Variants in SLC51A observed in about 807,000 individuals in gnomAD.
SLC51A encodes the protein solute carrier family 51 member A, also known as organic solute transporter subunit alpha.
SLC51A carries 22 observed loss-of-function variants against 34.8 expected under a neutral mutation model. The observed-to-expected ratio is 0.63, with a 90% CI of 0.45 to 0.90. SLC51A has a LOEUF of 0.90. SLC51A is among the 40% of genes least tolerant of loss of function. The pLI, the probability that SLC51A is intolerant of heterozygous loss-of-function variation, is 0.00. For synonymous variants in SLC51A, 181 were observed against 176.3 expected (o/e 1.03, Z -0.21); for missense variants, 371 against 414.8 (o/e 0.89, Z 0.92).
At chr3:196,229,689 TA>T (rs77390915) in intron 6 of SLC51A, among the ~76,000 whole-genome samples, 191 of 135,414 alleles carry the variant, frequency 1.4e-3, no homozygotes, top group Middle Eastern at 3.9e-3. Flanking sequence ...TCTCTATTAT[TA>T]AAAAAAAAAA....
intron 2 of SLC51A, among the ~76,000 whole-genome samples, chr3:196,220,758 G>A (rs1031896787): frequency 6.6e-6 from 1 of 152,180 alleles, no homozygotes; most frequent in African/African-American, 2.4e-5. Flanking sequence ...AGACCTAGGC[G>A]TGTAAGTGCT....
chr3:196,219,348 T>C (rs1210148161), intron 2 of SLC51A, among the ~76,000 whole-genome samples: 1 of 151,962 alleles, frequency 6.6e-6, no homozygotes, highest in African/African-American at 2.4e-5. Flanking sequence ...TTAGAGAAAA[T>C]GTGACTCACG....
chr3:196,219,836 C>G (rs1723699062), intron 2 of SLC51A, among the ~76,000 whole-genome samples: 1 of 152,232 alleles, frequency 6.6e-6, no homozygotes, highest in Non-Finnish European at 1.5e-5. Context: ...TTATTCAGGC[C>G]AAAGTGTCAA....
At chr3:196,220,544 C>T (rs556088276) in intron 2 of SLC51A, among the ~76,000 whole-genome samples, 1 of 152,152 alleles carries the variant, frequency 6.6e-6, no homozygotes, top group East Asian at 1.9e-4. Flanking sequence ...TTGCAGTGAG[C>T]CGAGATCTCA....
intron 1 of SLC51A, 29 bp from the exon 2 acceptor site, chr3:196,217,813 G>T (rs756984073): frequency 6.2e-7 from 1 of 1,605,728 alleles, no homozygotes; most frequent in South Asian, 1.1e-5. Context: ...AGCCCCCATG[G>T]TTCTGAGCAC....
intron 3 of SLC51A, 22 bp downstream of exon 3, chr3:196,227,141 T>C (rs1013300799): frequency 2.5e-6 from 4 of 1,609,068 alleles, no homozygotes; most frequent in Non-Finnish European, 3.4e-6. Flanking sequence ...GGGGCTGCCC[T>C]GTGGGGGGAA....
At chr3:196,219,139 T>A (rs780852529) in intron 2 of SLC51A, among the ~76,000 whole-genome samples, 19 of 151,216 alleles carry the variant, frequency 1.3e-4, no homozygotes, top group Non-Finnish European at 2.7e-4. Context: ...GGCAGGAGAG[T>A]TGCTTGAACT....
In SLC51A at chr3:196,227,009, C is replaced by T. The variant is rs748040828; in HGVS notation, c.178C>T (p.Leu60=). The T allele has an allele frequency of 6.2e-7, 1 of 1,614,036 alleles. No individual in the cohort carries two copies. Among genetic ancestry groups the T allele is most frequent in the Non-Finnish European group, 8.5e-7 (1 of 1,179,976 alleles). The change falls in exon 3 of 9, where the codon CTG becomes TTG. Residue 60 remains leucine (L), a synonymous_variant. Transcript: ENST00000296327. ...ELALTSILTL[L]ALGSIAIFLE... is the part of the protein sequence containing the mutation. ...TGCCCTCACTAGCATCCTGACCTTG[C>T]TGGCGCTGGGCTCCATTGCCATCTT...
chr3:196,227,659 A>G lies in SLC51A; in HGVS notation c.289-5A>G. On this transcript the variant is annotated splice_polypyrimidine_tract_variant and splice_region_variant and intron_variant, in intron 3 of 8. Coordinates refer to ENST00000296327, the MANE Select transcript of SLC51A (RefSeq NM_152672.6). Reference sequence around the variant, plus strand: ...CCCTCACCTGCTCCTGCCCCTTCTGAGCAGGTGGTGTCTGTGCTGTGCTGC... The same window carrying G: ...CCCTCACCTGCTCCTGCCCCTTCTGGGCAGGTGGTGTCTGTGCTGTGCTGC... 6.2e-7 allele frequency: 1 copy of G among 1,613,554 alleles called. No homozygotes were observed. The highest frequency in any genetic ancestry group is 8.5e-7 in the Non-Finnish European group (1 of 1,179,824).
Position 196,226,631 on chromosome 3 carries a change from G to A in SLC51A, c.134-334G>A, listed in dbSNP as rs1323645989. ...TCTACTAAAAATATAAAAATTAGCC[G>A]GGCATAGTGGTGGGTGTCTGTAATC... On this transcript the variant is annotated intron_variant, in intron 2 of 8. Coordinates refer to ENST00000296327, the MANE Select transcript of SLC51A (RefSeq NM_152672.6). 6.5e-5 allele frequency: 11 copies of A among 168,112 alleles called. 1 individual carries two copies. The highest frequency in any genetic ancestry group is 1.2e-4 in the Admixed American group (2 of 16,228). The allele number at this position is 168,112 out of a possible 1,614,324, so 10.4% of individuals were successfully genotyped here.
At chr3:196,221,157 G>A (rs1435789248) in intron 2 of SLC51A, among the ~76,000 whole-genome samples, 5 of 151,650 alleles carry the variant, frequency 3.3e-5, no homozygotes, top group African/African-American at 7.3e-5. Context: ...GGCCAGTCAC[G>A]GTGGCCCATG....
At position 196,228,878 on chromosome 3, in the gene SLC51A, G is replaced by A. The variant is rs765324135; in HGVS notation, c.591G>A (p.Val197=). The change falls in exon 6 of 9, where the codon GTG becomes GTA. Residue 197 remains valine, a synonymous_variant. Coordinates refer to ENST00000296327, the MANE Select transcript of SLC51A (RefSeq NM_152672.6). This position sits in a 1 kb window ranked among gnomAD's most constrained non-coding sequence, Gnocchi z 4.9. ...TCTTGAAGATAACGCTGACCCTGGT[G>A]GGCCTGTTTCTCGTCCCCGACGGCA... The part of the protein sequence containing the change: ...YAFLKITLTL[V]GLFLVPDGIY... 4.3e-6 allele frequency: 7 copies of A among 1,614,044 alleles called. No individual in the cohort carries two copies. The highest frequency in any genetic ancestry group is 1.6e-4 in the Middle Eastern group (1 of 6,084).
chr3:196,227,319 C>T, intron 3 of SLC51A, 200 bp downstream of exon 3: 1 of 617,134 alleles, frequency 1.6e-6, no homozygotes, highest in South Asian at 2.0e-5. Context: ...ATTCTAAGGG[C>T]TGCGGAGACA....
intron 2 of SLC51A, 79 bp from the exon 3 acceptor site, chr3:196,226,886 C>T: frequency 2.1e-6 from 3 of 1,452,874 alleles, no homozygotes; most frequent in Non-Finnish European, 2.8e-6. Context: ...TCCAGTAAGG[C>T]AATTTCGATC....
At chr3:196,232,639 G>A (rs1724052712) in intron 8 of SLC51A, 115 bp downstream of exon 8, 2 of 762,456 alleles carry the variant, frequency 2.6e-6, no homozygotes, top group African/African-American at 1.7e-5. Context: ...AGAGTGTTCA[G>A]AAGGGATCTT....
At chr3:196,221,055 C>A (rs948978466) in intron 2 of SLC51A, among the ~76,000 whole-genome samples, 3 of 151,728 alleles carry the variant, frequency 2.0e-5, no homozygotes, top group African/African-American at 7.3e-5. Flanking sequence ...CCAAGCCCAG[C>A]TAATTTTTGT....
chr3:196,231,916 A>G (rs1000915693), intron 7 of SLC51A, among the ~76,000 whole-genome samples: 20 of 152,114 alleles, frequency 1.3e-4, no homozygotes, highest in Admixed American at 1.3e-3. Flanking sequence ...GTACATTCCC[A>G]TAGTTGCACT....
In SLC51A at chr3:196,229,947, C is replaced by T; in HGVS notation, c.666C>T (p.Asn222=). Residue 222 remains asparagine (N), a synonymous_variant, in exon 7 of 9, where the codon AAC becomes AAT. Transcript: ENST00000296327. The part of the protein sequence containing the change: ...ISEGSTALWI[N]TFLGVSTLLA... Reference sequence around the variant, plus strand: ...AGGGGAGCACAGCTCTATGGATCAACACTTTCCTTGGCGTGTCCACACTGC... The same window carrying T: ...AGGGGAGCACAGCTCTATGGATCAATACTTTCCTTGGCGTGTCCACACTGC... 4 of 1,613,126 alleles carry T rather than the reference C, an allele frequency of 2.5e-6. No homozygotes were observed. The highest frequency in any genetic ancestry group is 2.2e-5 in the East Asian group (1 of 44,782).
chr3:196,220,454 A>G (rs1723725849), intron 2 of SLC51A, among the ~76,000 whole-genome samples: 2 of 152,042 alleles, frequency 1.3e-5, no homozygotes, highest in African/African-American at 2.4e-5. Context: ...AAAATTAGCC[A>G]GGTGTGGTGG....
Sources: gnomAD v4.1 joint callset for allele counts (sites outside exome capture counted in the v4.1 genomes callset) on GRCh38, gnomAD v4.1.1 for gene constraint, Gnocchi (gnomAD v3.1) non-coding constraint, MANE v1.5 for transcripts, NCBI Gene and HGNC (gene_info 2026-07-23, HGNC 2026-07-21) for gene names.